PTPRD: variants seen among roughly 807,000 people sequenced by gnomAD.
PTPRD encodes the protein protein tyrosine phosphatase receptor type D.
A neutral mutation model predicts 214.5 loss-of-function variants in PTPRD; 34 were observed. The observed-to-expected ratio is 0.16, with a 90% CI of 0.12 to 0.21. The LOEUF (loss-of-function observed/expected upper bound fraction) is 0.21, where lower values mean the gene tolerates loss of function less well. PTPRD is among the 10% of genes least tolerant of loss of function. PTPRD has a pLI of 1.00. For synonymous variants in PTPRD, 1,128 were observed against 845.7 expected (o/e 1.33, Z -5.79); for missense variants, 2,545 against 2,398.7 (o/e 1.06, Z -1.27).
intron 11 of PTPRD, among the ~76,000 whole-genome samples, chr9:8,829,531 A>G (rs1012818088): frequency 4.6e-5 from 7 of 152,116 alleles, no homozygotes; most frequent in Admixed American, 3.9e-4. Context: ...AGGTTATTAT[A>G]ATCCTATGGA....
At chr9:9,725,171 C>T (rs1358649567) in intron 7 of PTPRD, among the ~76,000 whole-genome samples, 1 of 152,046 alleles carries the variant, frequency 6.6e-6, no homozygotes, top group Non-Finnish European at 1.5e-5. Flanking sequence ...TCTTGTAGCT[C>T]CTAAAATTCC....
intron 2 of PTPRD, among the ~76,000 whole-genome samples, chr9:10,353,106 A>T (rs1436907876): frequency 6.6e-6 from 1 of 152,008 alleles, no homozygotes; most frequent in African/African-American, 2.4e-5. Context: ...CAGCTAGTTT[A>T]CCTGAATTCA....
At chr9:9,551,482 G>C (rs778500360) in intron 8 of PTPRD, among the ~76,000 whole-genome samples, 1 of 149,826 alleles carries the variant, frequency 6.7e-6, no homozygotes, top group African/African-American at 2.4e-5. Context: ...TAGTGAAATG[G>C]TAATAGAATA....
intron 12 of PTPRD, among the ~76,000 whole-genome samples, chr9:8,688,061 A>C (rs546556161): frequency 3.7e-4 from 56 of 152,368 alleles, no homozygotes; most frequent in African/African-American, 1.3e-3. Flanking sequence ...TATGTGGCTT[A>C]AAACAATTTT....
intron 11 of PTPRD, among the ~76,000 whole-genome samples, chr9:8,755,094 T>C (rs1184356970): frequency 1.3e-5 from 2 of 152,122 alleles, no homozygotes; most frequent in Non-Finnish European, 2.9e-5. Context: ...AAAACTCATA[T>C]ACTGCTGGTT....
intron 3 of PTPRD, among the ~76,000 whole-genome samples, chr9:10,144,750 C>T (rs534360463): frequency 1.3e-5 from 2 of 152,058 alleles, no homozygotes; most frequent in South Asian, 2.1e-4. Flanking sequence ...GCTGCTGAAA[C>T]GATCTGTCAG....
intron 12 of PTPRD, among the ~76,000 whole-genome samples, chr9:8,647,929 C>T (rs1024009468): frequency 6.6e-6 from 1 of 152,330 alleles, no homozygotes; most frequent in Middle Eastern, 3.4e-3. Context: ...TTCTAGCTCT[C>T]GCATCATACC....
At chr9:9,514,817 C>G (rs970463258) in intron 8 of PTPRD, among the ~76,000 whole-genome samples, 1 of 151,926 alleles carries the variant, frequency 6.6e-6, no homozygotes, top group Non-Finnish European at 1.5e-5. Context: ...TTTGCAGCAC[C>G]GTAAAAAATA....
At chr9:10,605,644 T>C (rs1310724990) in intron 2 of PTPRD, among the ~76,000 whole-genome samples, 2 of 151,782 alleles carry the variant, frequency 1.3e-5, no homozygotes, top group African/African-American at 2.4e-5. Context: ...ATAAGGTAAG[T>C]GTAGATACGT....
chr9:9,279,358 A>C lies in PTPRD; in HGVS notation c.-202-95995T>G, dbSNP rs981464860. On this transcript the variant is annotated intron_variant, in intron 9 of 45. Transcript: ENST00000381196. ...TACCTAAATTTATATATATATATAT[A>C]TCTAAATATATCACTGCTGCTGGCA... is the stretch of plus-strand genomic sequence containing the variant. Among the ~76,000 whole-genome samples the C allele has an allele frequency of 1.2e-4, 17 of 147,482 alleles. No homozygotes were observed. The East Asian group carries it at 2.0e-3, about 17-fold the overall frequency.
intron 39 of PTPRD, among the ~76,000 whole-genome samples, chr9:8,370,574 A>G (rs1312379407): frequency 6.6e-6 from 1 of 152,146 alleles, no homozygotes; most frequent in Non-Finnish European, 1.5e-5. Flanking sequence ...TCCAGTGATT[A>G]AAGAATGGAA....
chr9:9,895,464 A>C (rs79585683), intron 5 of PTPRD, among the ~76,000 whole-genome samples: 4,792 of 152,128 alleles, frequency 0.031, 115 homozygotes, highest in African/African-American at 0.063. Flanking sequence ...TTTTGCTGTT[A>C]TAATGATTAT....
At chr9:10,056,506 A>G (rs1406555529) in intron 3 of PTPRD, among the ~76,000 whole-genome samples, 3 of 152,092 alleles carry the variant, frequency 2.0e-5, no homozygotes. Context: ...TTAAAAAAAC[A>G]AACATTTTAC....
chr9:8,454,970 T>G (rs1247829868), intron 33 of PTPRD, among the ~76,000 whole-genome samples: 1 of 152,120 alleles, frequency 6.6e-6, no homozygotes, highest in Non-Finnish European at 1.5e-5. Flanking sequence ...AGAAAACTAA[T>G]GTACTCAATG....
intron 10 of PTPRD, among the ~76,000 whole-genome samples, chr9:9,095,494 A>G (rs1440820106): frequency 6.6e-6 from 1 of 152,174 alleles, no homozygotes; most frequent in Non-Finnish European, 1.5e-5. Context: ...GTAGTATATT[A>G]AAAATATATA....
chr9:8,845,826 C>T (rs2097683820), intron 11 of PTPRD, among the ~76,000 whole-genome samples: 1 of 152,182 alleles, frequency 6.6e-6, no homozygotes, highest in Non-Finnish European at 1.5e-5. Context: ...GTCTGGCTTG[C>T]CAGAACCGAG....
chr9:10,301,422 A>T (rs1236268982), intron 3 of PTPRD, among the ~76,000 whole-genome samples: 1 of 152,202 alleles, frequency 6.6e-6, no homozygotes, highest in Non-Finnish European at 1.5e-5. Flanking sequence ...AATGAATTTG[A>T]TGAATTGACA....
At chr9:9,267,989 G>A (rs539373734) in intron 9 of PTPRD, among the ~76,000 whole-genome samples, 35 of 150,978 alleles carry the variant, frequency 2.3e-4, no homozygotes, top group Admixed American at 1.2e-3. Context: ...GTCCACTCTC[G>A]CCACTTCTAT....
intron 9 of PTPRD, among the ~76,000 whole-genome samples, chr9:9,333,504 T>TTTTTTATATATA (rs544075539): frequency 7.3e-6 from 1 of 137,248 alleles, no homozygotes; most frequent in African/African-American, 2.9e-5. Flanking sequence ...ATATAGTATA[T>TTTTTTATATATA]TATATATATA....
Sources: gnomAD v4.1 joint callset for allele counts (sites outside exome capture counted in the v4.1 genomes callset) on GRCh38, gnomAD v4.1.1 for gene constraint, MANE v1.5 for transcripts, NCBI Gene and HGNC (gene_info 2026-07-23, HGNC 2026-07-21) for gene names.